CNTNAP5: variants seen among roughly 807,000 people sequenced by gnomAD.
CNTNAP5 encodes the protein contactin-associated protein-like 5.
In CNTNAP5, 72 loss-of-function variants were observed where a neutral mutation model predicts 150.2. The ratio of observed to expected loss-of-function variants is 0.48; its 90% CI spans 0.40 to 0.58. The LOEUF is 0.58. Among genes scored for constraint, CNTNAP5 ranks in the 20% least tolerant of loss-of-function variants. CNTNAP5 has a pLI of 0.00. For synonymous variants in CNTNAP5, 672 were observed against 619.8 expected (o/e 1.08, Z -1.25); for missense variants, 1,636 against 1,626.2 (o/e 1.01, Z -0.10).
chr2:124,537,788 A>G (rs919154585), intron 10 of CNTNAP5, among the ~76,000 whole-genome samples: 1 of 152,322 alleles, frequency 6.6e-6, no homozygotes, highest in Non-Finnish European at 1.5e-5. Context: ...GTCCTCTTAC[A>G]AACCTCATCT....
At chr2:124,373,071 T>C (rs1690567703) in intron 3 of CNTNAP5, among the ~76,000 whole-genome samples, 1 of 152,100 alleles carries the variant, frequency 6.6e-6, no homozygotes, top group Admixed American at 6.5e-5. Flanking sequence ...CAAAGACAGA[T>C]ATCAGAACAG....
At chr2:124,257,974 T>C (rs900908442) in intron 3 of CNTNAP5, among the ~76,000 whole-genome samples, 3 of 152,198 alleles carry the variant, frequency 2.0e-5, no homozygotes, top group South Asian at 2.1e-4. Flanking sequence ...AGCCATGCAA[T>C]TGATGCATTT....
intron 1 of CNTNAP5, among the ~76,000 whole-genome samples, chr2:124,183,176 T>C (rs1219479026): frequency 6.6e-6 from 1 of 152,154 alleles, no homozygotes; most frequent in East Asian, 1.9e-4. Flanking sequence ...CACTTGGCTA[T>C]AGTGACTGGC....
rs536797051 is a variant in CNTNAP5, at chr2:124,281,728, CAGTGGTTTCACA to C, written c.381+39338_381+39349del. Among the ~76,000 whole-genome samples, 4 of 152,188 alleles carry C rather than the reference CAGTGGTTTCACA, an allele frequency of 2.6e-5. No individual in the cohort carries two copies. The East Asian group carries it at 7.7e-4, about 29-fold the overall frequency. ...ATGAGCTTTTGCTTGCTTTTTTCTGCAGTGGTTTCACAAGCGGGCTTCAGGGTTGTTGCTGAC... is the reference window on the plus strand; with the variant it reads ...ATGAGCTTTTGCTTGCTTTTTTCTGCAGCGGGCTTCAGGGTTGTTGCTGAC... On this transcript the variant is annotated intron_variant, in intron 3 of 23. Coordinates refer to ENST00000682447, the MANE Select transcript of CNTNAP5 (RefSeq NM_001367498.1).
chr2:124,379,350 AC>A (rs1300431928), intron 3 of CNTNAP5, among the ~76,000 whole-genome samples: 1 of 151,454 alleles, frequency 6.6e-6, no homozygotes, highest in East Asian at 1.9e-4. Context: ...CCCTCCCCTG[AC>A]CCCCAGCAGC....
At chr2:124,072,541 A>T (rs1682331914) in intron 1 of CNTNAP5, among the ~76,000 whole-genome samples, 1 of 152,054 alleles carries the variant, frequency 6.6e-6, no homozygotes, top group African/African-American at 2.4e-5. Flanking sequence ...GCAGCGTGCA[A>T]AATCAACATA....
intron 21 of CNTNAP5, among the ~76,000 whole-genome samples, chr2:124,874,282 G>A (rs542565774): frequency 6.6e-6 from 1 of 152,188 alleles, no homozygotes; most frequent in East Asian, 1.9e-4. Context: ...TTAAAAGAGA[G>A]AGAGAGCACA....
chr2:124,392,307 C>G (rs546494951), intron 3 of CNTNAP5, among the ~76,000 whole-genome samples: 1 of 152,076 alleles, frequency 6.6e-6, no homozygotes, highest in South Asian at 2.1e-4. Context: ...CAACAACTGC[C>G]CATGATGATG....
In CNTNAP5 at chr2:124,475,106, AT is replaced by A. The variant is rs59623436; in HGVS notation, c.1062+236del. ...GACATTAGGGCCATCCAGAGAATTC[AT>A]TTTTTTTTTTTGACTGTGGGTCATA... On this transcript the variant is annotated intron_variant, in intron 7 of 23. Coordinates refer to ENST00000682447, the MANE Select transcript of CNTNAP5 (RefSeq NM_001367498.1). Among the ~76,000 whole-genome samples the A allele has an allele frequency of 8.3e-3, 1,205 of 145,350 alleles. 7 individuals are homozygous for A. The highest frequency in any genetic ancestry group is 0.017 in the Admixed American group (240 of 14,434).
At chr2:124,832,968 G>A (rs1384575787) in intron 19 of CNTNAP5, among the ~76,000 whole-genome samples, 4 of 149,174 alleles carry the variant, frequency 2.7e-5, no homozygotes, top group African/African-American at 1.0e-4. Flanking sequence ...GCTGGAGAGT[G>A]GCACAATCTC....
intron 11 of CNTNAP5, among the ~76,000 whole-genome samples, chr2:124,567,864 G>GAGATAA (rs1696064590): frequency 7.0e-6 from 1 of 142,510 alleles, no homozygotes; most frequent in African/African-American, 2.8e-5. Flanking sequence ...TAGATAGATA[G>GAGATAA]ATAGATAGAT....
intron 1 of CNTNAP5, among the ~76,000 whole-genome samples, chr2:124,181,886 C>G (rs910257724): frequency 6.6e-6 from 1 of 152,096 alleles, no homozygotes; most frequent in Non-Finnish European, 1.5e-5. Flanking sequence ...ATATACACAG[C>G]AGGATTTTCT....
chr2:124,207,757 G>C (rs547441194), intron 1 of CNTNAP5, among the ~76,000 whole-genome samples: 32 of 152,270 alleles, frequency 2.1e-4, no homozygotes, highest in African/African-American at 7.5e-4. Context: ...ACAATACAAT[G>C]TATTTTCCTG....
At chr2:124,186,887 T>C (rs747850071) in intron 1 of CNTNAP5, among the ~76,000 whole-genome samples, 6 of 152,206 alleles carry the variant, frequency 3.9e-5, no homozygotes, top group Non-Finnish European at 5.9e-5. Flanking sequence ...AAAAATGCAG[T>C]GCAAACTCAG....
intron 1 of CNTNAP5, among the ~76,000 whole-genome samples, chr2:124,221,297 C>A (rs1253284470): frequency 1.3e-5 from 2 of 152,098 alleles, no homozygotes. Context: ...AGTAGTCAAA[C>A]AATGTTTCCC....
At chr2:124,243,163 C>T (rs1423234225) in intron 3 of CNTNAP5, among the ~76,000 whole-genome samples, 3 of 152,170 alleles carry the variant, frequency 2.0e-5, no homozygotes, top group African/African-American at 7.2e-5. Flanking sequence ...GAACCTCAGG[C>T]ACTGAATAAA....
In CNTNAP5 at chr2:124,677,040, T is replaced by G. The variant is rs192405735; in HGVS notation, c.2077+29082T>G. On this transcript the variant is annotated intron_variant, in intron 13 of 23. Coordinates refer to ENST00000682447, the MANE Select transcript of CNTNAP5 (RefSeq NM_001367498.1). Reference sequence around the variant, plus strand: ...TTGATTCCTTCTGGTGGGTTCTTGGTCTCACTGACTTCAAGAATAAAGCTG... The same window carrying G: ...TTGATTCCTTCTGGTGGGTTCTTGGGCTCACTGACTTCAAGAATAAAGCTG... 4.6e-5 allele frequency among the ~76,000 whole-genome samples: 7 copies of G among 152,286 alleles called. No homozygotes were observed. The East Asian group carries it at 1.4e-3, about 29-fold the overall frequency.
Position 124,434,566 on chromosome 2 carries a change from G to A in CNTNAP5, c.612G>A (p.Val204=). The A allele has an allele frequency of 2.5e-6, 4 of 1,613,972 alleles. No homozygotes were observed. The highest frequency in any genetic ancestry group is 1.3e-5 in the African/African-American group (1 of 75,046). ...NQKLMSTLKD[V]ISLKFKSMQG... ...AGTTGATGAGTACTCTCAAAGATGT[G>A]ATCTCCCTGAAGTTCAAGAGCATGC... is the stretch of plus-strand genomic sequence containing the variant. Residue 204 remains valine (V), a synonymous_variant, in exon 5 of 24, where the codon GTG becomes GTA. Coordinates refer to ENST00000682447, the MANE Select transcript of CNTNAP5 (RefSeq NM_001367498.1).
intron 23 of CNTNAP5, 112 bp from the exon 24 acceptor site, chr2:124,913,980 G>A (rs1678708717): frequency 2.9e-6 from 2 of 682,894 alleles, no homozygotes; most frequent in South Asian, 2.5e-5. Flanking sequence ...TGTGTGATTT[G>A]TTTTGTTTTG....
Sources: gnomAD v4.1 joint callset for allele counts (sites outside exome capture counted in the v4.1 genomes callset) on GRCh38, gnomAD v4.1.1 for gene constraint, MANE v1.5 for transcripts, NCBI Gene and HGNC (gene_info 2026-07-23, HGNC 2026-07-21) for gene names.